The following SHPRH variants were observed in gnomAD, a reference collection of about 807,000 sequenced individuals.
SHPRH encodes SNF2 histone linker PHD RING helicase.
In SHPRH, 106 loss-of-function variants were observed where a neutral mutation model predicts 202.5. The ratio of observed to expected loss-of-function variants is 0.52; its 90% CI spans 0.45 to 0.62. The LOEUF (loss-of-function observed/expected upper bound fraction) is 0.62, where lower values mean the gene tolerates loss of function less well. Ranked by LOEUF, SHPRH falls within the 20% of genes least tolerant of loss-of-function variation. The probability of loss-of-function intolerance (pLI) is 0.00; values close to 1 mark genes in which losing one functional copy is unlikely to be tolerated. For synonymous variants in SHPRH, 729 were observed against 686.0 expected, an observed-to-expected ratio of 1.06 and a Z score of -0.98; for missense variants, 1,710 against 2,020.0, an observed-to-expected ratio of 0.85 and a Z score of 2.94.
At chr6:145,869,928 T>A (rs1157822107) in intron 2 of SHPRH, among the ~76,000 whole-genome samples, 1 of 151,860 alleles carries the variant, frequency 6.6e-6, no homozygotes, top group Non-Finnish European at 1.5e-5. Context: ...ATAGATCAGG[T>A]TGGGAAGAAC....
intron 25 of SHPRH, among the ~76,000 whole-genome samples, chr6:145,898,626 T>C (rs57776904): frequency 0.026 from 3,992 of 152,102 alleles, 178 homozygotes; most frequent in African/African-American, 0.091. Context: ...AAATTCTCTC[T>C]TGTGCAAGAT....
chr6:145,912,964 T>C (rs780332048), intron 24 of SHPRH, among the ~76,000 whole-genome samples: 5 of 152,114 alleles, frequency 3.3e-5, no homozygotes, highest in Non-Finnish European at 5.9e-5. Context: ...TGTATACTAA[T>C]ATCCACAAAG....
At chr6:145,926,772 T>C (rs536583033) in intron 15 of SHPRH, among the ~76,000 whole-genome samples, 9 of 152,030 alleles carry the variant, frequency 5.9e-5, no homozygotes, top group African/African-American at 2.2e-4. Context: ...GTGTTATAAT[T>C]AAAATATCCA....
At chr6:145,960,468 T>G (rs1582847908) in intron 1 of SHPRH, among the ~76,000 whole-genome samples, 1 of 152,156 alleles carries the variant, frequency 6.6e-6, no homozygotes, top group Admixed American at 6.5e-5. Context: ...ATAATAATAT[T>G]AATAACATGG....
At chr6:145,888,745 A>G (rs1458665950) in intron 28 of SHPRH, among the ~76,000 whole-genome samples, 2 of 152,168 alleles carry the variant, frequency 1.3e-5, no homozygotes, top group Non-Finnish European at 2.9e-5. Flanking sequence ...CAGCAAGAAG[A>G]GCACCAGAGA....
chr6:145,922,834 A>C lies in SHPRH; in HGVS notation c.3548T>G (p.Phe1183Cys). 6.2e-7 allele frequency: 1 copy of C among 1,607,844 alleles called. No homozygotes were observed. Among genetic ancestry groups the C allele is most frequent in the South Asian group, 1.1e-5 (1 of 90,442 alleles). ...GAACTGAAGACCTCTGCAATCACGG[A>C]ACCTGATTCCCACACCAGCACCACA... ...QTGKLSMSEKFRDCRGLQFLL... is the reference protein window; with the variant it reads ...QTGKLSMSEKCRDCRGLQFLL... Residue 1183 changes from phenylalanine (F) to cysteine (C), a missense_variant and splice_region_variant, in exon 19 of 30, where the codon TTC becomes TGC. Phe to Cys is a radical substitution (Grantham distance 205). This residue lies in a region of SHPRH where 288 missense variants were observed against 317.8 expected (regional missense o/e 0.91). Transcript: ENST00000275233.
At chr6:145,919,183 C>T (rs370982000) in intron 22 of SHPRH, 165 bp downstream of exon 22, 53 of 920,234 alleles carry the variant, frequency 5.8e-5, no homozygotes, top group East Asian at 2.9e-4. Flanking sequence ...CATCTTTGAC[C>T]ATTTTTGGTC....
chr6:145,869,414 A>G (rs961958448), intron 2 of SHPRH, among the ~76,000 whole-genome samples: 1 of 152,230 alleles, frequency 6.6e-6, no homozygotes, highest in African/African-American at 2.4e-5. Context: ...GTCATTGCCA[A>G]ACCCAAGGCG....
At chr6:145,947,826 A>C (rs928630309) in intron 5 of SHPRH, among the ~76,000 whole-genome samples, 183 bp from the exon 6 acceptor site, 3 of 152,060 alleles carry the variant, frequency 2.0e-5, no homozygotes, top group Admixed American at 6.6e-5. Context: ...TAACCAAAAA[A>C]ACTGCCTGAG....
At chr6:145,884,429 A>T (rs901085641), downstream of SHPRH, 1 of 152,192 alleles carries the variant, frequency 6.6e-6, no homozygotes, top group African/African-American at 2.4e-5. Context: ...ACAGAAAATG[A>T]TTCTCCAGGT....
At chr6:145,867,599 A>AATATATATATATATATATATATAT (rs374395571) in intron 2 of SHPRH, among the ~76,000 whole-genome samples, 2 of 21,592 alleles carry the variant, frequency 9.3e-5, no homozygotes, top group East Asian at 2.3e-3. Context: ...TTCAAAAAAG[A>AATATATATATATATATATATATAT]ATATATATAT....
intron 27 of SHPRH, among the ~76,000 whole-genome samples, chr6:145,893,832 A>G (rs1781777342): frequency 6.6e-6 from 1 of 152,086 alleles, no homozygotes; most frequent in African/African-American, 2.4e-5. Flanking sequence ...GTTCTGCCTG[A>G]CAGTGACTTT....
rs1787385387 is a variant in SHPRH, at chr6:145,946,469, C to G, written c.1213-128G>C. ...CTAAAAAAATTGCAAGAGAAAGGGC[C>G]AAATAGCTGTAGATACATACACAGT... On this transcript the variant is annotated intron_variant, in intron 6 of 29. Coordinates refer to ENST00000275233, the MANE Select transcript of SHPRH (RefSeq NM_001042683.3). 7 of 626,228 alleles carry G rather than the reference C, an allele frequency of 1.1e-5. No individual in the cohort carries two copies. The South Asian group carries it at 1.3e-4, about 11-fold the overall frequency. The allele number at this position is 626,228 out of a possible 1,614,324, so 38.8% of individuals were successfully genotyped here. A position where few individuals can be genotyped will look rare whatever the true frequency, so the allele number is the denominator to read the frequency against.
intron 14 of SHPRH, among the ~76,000 whole-genome samples, chr6:145,929,554 T>C (rs939345307): frequency 5.9e-5 from 9 of 152,076 alleles, no homozygotes; most frequent in African/African-American, 2.2e-4. Context: ...ATGAATATTG[T>C]TTAACACATT....
downstream of SHPRH, among the ~76,000 whole-genome samples, chr6:145,861,395 A>T (rs1016186880): frequency 6.6e-6 from 1 of 152,100 alleles, no homozygotes; most frequent in Non-Finnish European, 1.5e-5. Context: ...CTACAGTGAG[A>T]TATCACCTCA....
intron 18 of SHPRH, among the ~76,000 whole-genome samples, 198 bp downstream of exon 18, chr6:145,923,445 A>C (rs943232887): frequency 3.3e-5 from 5 of 151,838 alleles, no homozygotes; most frequent in African/African-American, 9.7e-5. Flanking sequence ...TTAGGAGTTA[A>C]ACCCAATTAT....
chr6:145,956,827 T>C (rs1468994942), intron 1 of SHPRH, among the ~76,000 whole-genome samples: 1 of 152,114 alleles, frequency 6.6e-6, no homozygotes, highest in East Asian at 1.9e-4. Context: ...GTCAATTTCT[T>C]AGTACTGACC....
downstream of SHPRH, among the ~76,000 whole-genome samples, chr6:145,880,058 A>C (rs1780492118): frequency 1.3e-5 from 2 of 152,130 alleles, no homozygotes; most frequent in Non-Finnish European, 2.9e-5. Flanking sequence ...AAGACACAAG[A>C]CTAAGTACTA....
In SHPRH at chr6:145,887,963, T is replaced by G. The variant is rs1781229169; in HGVS notation, c.4955+57A>C. 3.0e-6 allele frequency: 4 copies of G among 1,332,784 alleles called. No homozygotes were observed. The East Asian group carries it at 9.2e-5, about 31-fold the overall frequency. 82.6% of individuals were successfully genotyped at this position (1,332,784 alleles called of 1,614,324 possible). On this transcript the variant is annotated intron_variant, in intron 29 of 29. Coordinates refer to ENST00000275233, the MANE Select transcript of SHPRH (RefSeq NM_001042683.3). ...CATCTAAGTGAAGAAGTTCTAAAGA[T>G]ACAAACTTTTAACAGGAAAACCTTC...
Sources: allele counts gnomAD v4.1 joint callset (sites outside exome capture counted in the v4.1 genomes callset), GRCh38; gene constraint gnomAD v4.1.1; regional missense constraint gnomAD v4.1.1; transcripts MANE v1.5; gene names NCBI Gene and HGNC (gene_info 2026-07-23, HGNC 2026-07-21).